The following FBXO36 variants were observed in gnomAD, a reference collection of about 807,000 sequenced individuals.
FBXO36 encodes F-box only protein 36.
Under a neutral mutation model 17.0 loss-of-function variants are expected in FBXO36, and 18 were observed. That is an observed-to-expected ratio of 1.06 (90% CI 0.73 to 1.57). The LOEUF is 1.57. FBXO36 is among the 40% of genes most tolerant of loss of function. The pLI, the probability that FBXO36 is intolerant of heterozygous loss-of-function variation, is 0.00. For synonymous variants in FBXO36, 83 were observed against 85.3 expected (o/e 0.97, Z 0.15); for missense variants, 229 against 221.9 (o/e 1.03, Z -0.20).
intron 2 of FBXO36, among the ~76,000 whole-genome samples, chr2:229,995,075 CTGCA>C (rs2077318058): frequency 6.6e-6 from 1 of 151,954 alleles, no homozygotes; most frequent in Admixed American, 6.6e-5. Context: ...GATCGTGCCA[CTGCA>C]CTCCAGCCTG....
intron 2 of FBXO36, among the ~76,000 whole-genome samples, chr2:229,981,329 TA>T (rs1388716795): frequency 6.6e-6 from 1 of 151,010 alleles, no homozygotes; most frequent in South Asian, 2.1e-4. Flanking sequence ...CCCCCATCTC[TA>T]AAAAAAACTT....
chr2:229,949,516 T>C (rs1324579775), intron 1 of FBXO36, among the ~76,000 whole-genome samples: 2 of 148,128 alleles, frequency 1.4e-5, no homozygotes, highest in Non-Finnish European at 3.0e-5. Context: ...TGTTTAGAAT[T>C]ATCCCATTCA....
intron 1 of FBXO36, among the ~76,000 whole-genome samples, chr2:229,963,258 G>T (rs2077133311): frequency 6.6e-6 from 1 of 151,354 alleles, no homozygotes; most frequent in Non-Finnish European, 1.5e-5. Flanking sequence ...TAGAGATGGG[G>T]TTTCACCATA....
intron 2 of FBXO36, among the ~76,000 whole-genome samples, chr2:229,993,370 G>T (rs1218201416): frequency 3.3e-5 from 5 of 152,212 alleles, no homozygotes; most frequent in Admixed American, 6.5e-5. Flanking sequence ...ATGGCCGTTG[G>T]CTTCTCGCAG....
At chr2:229,937,858 G>A (rs1217514793) in intron 1 of FBXO36, 2 of 152,128 alleles carry the variant, frequency 1.3e-5, no homozygotes, top group Non-Finnish European at 1.5e-5. Context: ...TCAATTTTTA[G>A]TATATGTGCT....
chr2:229,938,483 C>CTTT (rs111952762), intron 1 of FBXO36, among the ~76,000 whole-genome samples: 1 of 93,982 alleles, frequency 1.1e-5, no homozygotes, highest in African/African-American at 3.8e-5. Context: ...ATACAACTTT[C>CTTT]TTTTTTTTTT....
chr2:229,991,446 T>C (rs896390661), intron 2 of FBXO36, among the ~76,000 whole-genome samples: 2 of 152,116 alleles, frequency 1.3e-5, no homozygotes, highest in African/African-American at 4.8e-5. Flanking sequence ...AGAATTGGTG[T>C]TCTTGTTAGA....
At chr2:229,941,135 G>T (rs1424622552) in intron 1 of FBXO36, among the ~76,000 whole-genome samples, 1 of 152,112 alleles carries the variant, frequency 6.6e-6, no homozygotes, top group African/African-American at 2.4e-5. Context: ...TGGGTGGCCT[G>T]GTGTGGAAAG....
intron 1 of FBXO36, among the ~76,000 whole-genome samples, chr2:229,935,142 T>G (rs1271306917): frequency 6.6e-6 from 1 of 152,222 alleles, no homozygotes; most frequent in African/African-American, 2.4e-5. Context: ...GGAAAGCATC[T>G]GTCATCACTG....
At chr2:229,994,417 C>A (rs1444844896) in intron 2 of FBXO36, among the ~76,000 whole-genome samples, 1 of 152,138 alleles carries the variant, frequency 6.6e-6, no homozygotes, top group Non-Finnish European at 1.5e-5. Context: ...TGTAGGCTAA[C>A]CTGTTTGGGA....
At chr2:229,933,999 A>G (rs2076951899) in intron 1 of FBXO36, among the ~76,000 whole-genome samples, 1 of 152,094 alleles carries the variant, frequency 6.6e-6, no homozygotes, top group Admixed American at 6.6e-5. Flanking sequence ...CTTTAAAAAA[A>G]AATACACAAA....
intron 1 of FBXO36, chr2:229,923,217 G>C (rs1339213511): frequency 6.6e-6 from 1 of 150,896 alleles, no homozygotes; most frequent in Non-Finnish European, 1.5e-5. Context: ...GCTGCTCTGC[G>C]CTTCAGCCCC....
chr2:229,994,939 C>A (rs999788740), intron 2 of FBXO36, among the ~76,000 whole-genome samples: 2 of 151,942 alleles, frequency 1.3e-5, no homozygotes. Flanking sequence ...CATGGTGAAA[C>A]CCCATCTCTA....
chr2:230,004,120 C>T (rs967477027), intron 3 of FBXO36, among the ~76,000 whole-genome samples: 1 of 152,210 alleles, frequency 6.6e-6, no homozygotes, highest in African/African-American at 2.4e-5. Context: ...GTGTGCTGTG[C>T]TCTACTGTGC....
chr2:229,978,917 C>CTT (rs1391080361), intron 2 of FBXO36, among the ~76,000 whole-genome samples: 1 of 152,092 alleles, frequency 6.6e-6, no homozygotes, highest in Non-Finnish European at 1.5e-5. Context: ...TGGCTCATGC[C>CTT]TGTAATGCCA....
chr2:230,005,411 A>G (rs1324858808), intron 3 of FBXO36, among the ~76,000 whole-genome samples: 2 of 152,044 alleles, frequency 1.3e-5, no homozygotes, highest in Non-Finnish European at 2.9e-5. Flanking sequence ...AAGATAATTT[A>G]TTTAACCAGA....
intron 2 of FBXO36, among the ~76,000 whole-genome samples, chr2:229,981,323 C>A (rs569849717): frequency 6.6e-6 from 1 of 151,866 alleles, no homozygotes; most frequent in Non-Finnish European, 1.5e-5. Flanking sequence ...ACCACCCCCC[C>A]ATCTCTAAAA....
intron 1 of FBXO36, among the ~76,000 whole-genome samples, chr2:229,962,747 G>A (rs970860786): frequency 7.4e-5 from 11 of 148,708 alleles, no homozygotes; most frequent in South Asian, 4.3e-4. Flanking sequence ...GTGCGATCTC[G>A]GCTCACTTCA....
At chr2:229,927,550 G>A (rs186325619) in intron 1 of FBXO36, among the ~76,000 whole-genome samples, 10 of 152,220 alleles carry the variant, frequency 6.6e-5, no homozygotes, top group Admixed American at 6.5e-4. Flanking sequence ...AGAGAATAAT[G>A]GTATGCTAAG....
Sources: gnomAD v4.1 joint callset for allele counts (sites outside exome capture counted in the v4.1 genomes callset) on GRCh38, gnomAD v4.1.1 for gene constraint, MANE v1.5 for transcripts, NCBI Gene and HGNC (gene_info 2026-07-23, HGNC 2026-07-21) for gene names.